The following CNTNAP2 variants were observed in gnomAD, a reference collection of about 807,000 sequenced individuals.
CNTNAP2 encodes contactin associated protein 2.
In CNTNAP2, 98 loss-of-function variants were observed where a neutral mutation model predicts 155.2. The ratio of observed to expected loss-of-function variants is 0.63; its 90% CI spans 0.54 to 0.75. The LOEUF is 0.75. Among genes scored for constraint, CNTNAP2 ranks in the 30% least tolerant of loss-of-function variants. The pLI, the probability that CNTNAP2 is intolerant of heterozygous loss-of-function variation, is 0.00. For missense variants in CNTNAP2, 1,727 were observed against 1,688.1 expected (o/e 1.02, Z -0.40); for synonymous variants, 651 against 631.2 (o/e 1.03, Z -0.47).
chr7:146,356,052 TACACACACACACACAC>T (rs68125550), intron 1 of CNTNAP2, among the ~76,000 whole-genome samples: 40 of 144,192 alleles, frequency 2.8e-4, no homozygotes, highest in South Asian at 9.2e-4. Context: ...TACATACGAA[TACACACACACACACAC>T]ACACACACAC....
intron 1 of CNTNAP2, among the ~76,000 whole-genome samples, chr7:146,510,230 A>G (rs1406478361): frequency 1.3e-5 from 2 of 152,200 alleles, no homozygotes; most frequent in Non-Finnish European, 1.5e-5. Flanking sequence ...GCCAGATATG[A>G]ACTCAAACAG....
At chr7:147,466,228 G>A (rs958580348) in intron 10 of CNTNAP2, among the ~76,000 whole-genome samples, 13 of 152,204 alleles carry the variant, frequency 8.5e-5, no homozygotes, top group African/African-American at 3.1e-4. Flanking sequence ...ACCCAACAAG[G>A]CCTAAGTTCT....
intron 13 of CNTNAP2, among the ~76,000 whole-genome samples, chr7:147,677,061 G>C (rs994635054): frequency 1.3e-5 from 1 of 78,298 alleles, no homozygotes; most frequent in African/African-American, 6.5e-5. Context: ...TAGGAGTTCT[G>C]TTTCATTAAT....
In CNTNAP2 at chr7:148,312,434, C is replaced by T. The variant is rs533286121; in HGVS notation, c.3475+45308C>T. 6.1e-4 allele frequency among the ~76,000 whole-genome samples: 93 copies of T among 152,196 alleles called. 1 individual carries two copies. The highest frequency in any genetic ancestry group is 3.3e-3 in the South Asian group (16 of 4,814). On this transcript the variant is annotated intron_variant, in intron 21 of 23. Transcript: ENST00000361727. ...TGTGAAGCCTTGCGGCAGTACAGCC[C>T]AGGTAATTTGCTGAGCCTGATGGGT...
intron 1 of CNTNAP2, among the ~76,000 whole-genome samples, chr7:146,245,146 C>T (rs368334868): frequency 6.6e-6 from 1 of 150,984 alleles, no homozygotes; most frequent in Non-Finnish European, 1.5e-5. Flanking sequence ...ATAAATCAAG[C>T]GTGATCAGGG....
rs545577957 is a variant in CNTNAP2 at position 147,892,016 on chromosome 7, C to T, written c.2099-11549C>T. Among the ~76,000 whole-genome samples the T allele has an allele frequency of 2.4e-4, 37 of 151,876 alleles. 1 individual carries two copies. Among genetic ancestry groups the T allele is most frequent in the South Asian group, 8.3e-4 (4 of 4,806 alleles). On this transcript the variant is annotated intron_variant, in intron 13 of 23. Transcript: ENST00000361727. ...ACTATTATTAGAAAAAATCTCTGAA[C>T]GCTAAAAGGAGAAAAAACTTTTATC...
At chr7:147,443,067 GC>G (rs1797671460) in intron 10 of CNTNAP2, among the ~76,000 whole-genome samples, 1 of 152,076 alleles carries the variant, frequency 6.6e-6, no homozygotes, top group Admixed American at 6.6e-5. Context: ...CTGGGTTTGG[GC>G]CCAGTTCAGC....
rs57139075 is a variant in CNTNAP2, at chr7:147,861,999, C to CAAAAAAAAAAAAAA, written c.2099-41555_2099-41542dup. On this transcript the variant is annotated intron_variant, in intron 13 of 23. Transcript: ENST00000361727. The stretch of plus-strand genomic sequence containing the variant: ...GGCAATAGAGTGAAACTCCATCTCA[C>CAAAAAAAAAAAAAA]AAAAAAAAAAAAAAAAAAAAAAAAT... Among the ~76,000 whole-genome samples the CAAAAAAAAAAAAAA allele has an allele frequency of 9.3e-4, 88 of 94,938 alleles. 1 individual carries two copies. Among genetic ancestry groups the CAAAAAAAAAAAAAA allele is most frequent in the Middle Eastern group, 6.9e-3 (1 of 144 alleles). The allele number at this position is 94,938 out of a possible 152,430, so 62.3% of individuals were successfully genotyped here. A position where few individuals can be genotyped will look rare whatever the true frequency, so the allele number is the denominator to read the frequency against.
rs117607301 is a variant in CNTNAP2 at position 147,904,336 on chromosome 7, C to T, written c.2255+615C>T. ...TCCCTTTGCTGGCTTTTGTTCTGCCCCGCAGTGAATAGCTGGGTCTGTGTC... is the reference window on the plus strand; with the variant it reads ...TCCCTTTGCTGGCTTTTGTTCTGCCTCGCAGTGAATAGCTGGGTCTGTGTC... On this transcript the variant is annotated intron_variant, in intron 14 of 23. Coordinates refer to ENST00000361727, the MANE Select transcript of CNTNAP2 (RefSeq NM_014141.6). 2.6e-5 allele frequency among the ~76,000 whole-genome samples: 4 copies of T among 152,240 alleles called. No homozygotes were observed. In the East Asian group the frequency reaches 7.7e-4, roughly 29 times the overall value.
intron 20 of CNTNAP2, among the ~76,000 whole-genome samples, chr7:148,263,747 AAAAG>A (rs566296393): frequency 9.8e-4 from 149 of 151,994 alleles, no homozygotes; most frequent in Non-Finnish European, 1.7e-3. Flanking sequence ...AAAAAAAAAA[AAAAG>A]AAAGAAAGAA....
intron 1 of CNTNAP2, among the ~76,000 whole-genome samples, chr7:146,281,990 T>C (rs985296460): frequency 4.6e-5 from 7 of 152,188 alleles, no homozygotes; most frequent in Admixed American, 6.5e-5. Context: ...ATATGCTTTG[T>C]TCCTCTTAGT....
intron 13 of CNTNAP2, among the ~76,000 whole-genome samples, chr7:147,819,750 T>C (rs753339968): frequency 2.0e-5 from 3 of 151,862 alleles, no homozygotes; most frequent in Non-Finnish European, 4.4e-5. Flanking sequence ...CATCAACAGA[T>C]TCATTTCACC....
chr7:147,794,886 A>G (rs1797869966), intron 13 of CNTNAP2, among the ~76,000 whole-genome samples: 1 of 151,460 alleles, frequency 6.6e-6, no homozygotes, highest in African/African-American at 2.4e-5. Context: ...ATTAGTTCAT[A>G]GTTTCCCTTA....
chr7:147,145,070 T>C (rs1362613919), intron 8 of CNTNAP2, among the ~76,000 whole-genome samples: 1 of 152,210 alleles, frequency 6.6e-6, no homozygotes, highest in African/African-American at 2.4e-5. Flanking sequence ...TTATAGCTCA[T>C]CTAAAACTTG....
chr7:147,758,667 A>C (rs1797253044), intron 13 of CNTNAP2, among the ~76,000 whole-genome samples: 1 of 152,106 alleles, frequency 6.6e-6, no homozygotes, highest in African/African-American at 2.4e-5. Context: ...AACATGGTGA[A>C]ACCCCATCTC....
chr7:147,600,932 T>G (rs564999207), intron 12 of CNTNAP2, among the ~76,000 whole-genome samples: 1 of 152,330 alleles, frequency 6.6e-6, no homozygotes, highest in South Asian at 2.1e-4. Context: ...ATTCTCTTAT[T>G]TAGAGGTAGA....
Position 148,005,186 on chromosome 7 carries a change from G to A in CNTNAP2, c.2383+27197G>A, listed in dbSNP as rs528975914. On this transcript the variant is annotated intron_variant, in intron 15 of 23. Transcript: ENST00000361727. ...GCAACAAGGTCAGGCTCTGGTGAGGGCACTCGTCTCGGTAGCAGTCTGCCA... is the reference window on the plus strand; with the variant it reads ...GCAACAAGGTCAGGCTCTGGTGAGGACACTCGTCTCGGTAGCAGTCTGCCA... 2.0e-5 allele frequency among the ~76,000 whole-genome samples: 3 copies of A among 152,184 alleles called. No homozygotes were observed. In the East Asian group the frequency reaches 5.8e-4, roughly 29 times the overall value.
rs1798199129 is a variant in CNTNAP2 at position 147,812,643 on chromosome 7, C to CCT, written c.2099-90920_2099-90919dup. Among the ~76,000 whole-genome samples the CCT allele has an allele frequency of 2.6e-5, 4 of 152,282 alleles. 1 individual carries two copies. The highest frequency in any genetic ancestry group is 9.6e-5 in the African/African-American group (4 of 41,558). ...CTCTGGCACCATCCCAGCCACAAGG[C>CCT]CTCAGGTCCTCTCTCTGCTCTCGCT... is the stretch of plus-strand genomic sequence containing the variant. On this transcript the variant is annotated intron_variant, in intron 13 of 23. Coordinates refer to ENST00000361727, the MANE Select transcript of CNTNAP2 (RefSeq NM_014141.6).
chr7:146,602,814 C>G (rs1798971761), intron 1 of CNTNAP2, among the ~76,000 whole-genome samples: 1 of 152,120 alleles, frequency 6.6e-6, no homozygotes, highest in African/African-American at 2.4e-5. Context: ...CGAAAACTTT[C>G]AAGTTTGAAA....
Sources: gnomAD v4.1 joint callset for allele counts (sites outside exome capture counted in the v4.1 genomes callset) on GRCh38, gnomAD v4.1.1 for gene constraint, MANE v1.5 for transcripts, NCBI Gene and HGNC (gene_info 2026-07-23, HGNC 2026-07-21) for gene names.